The following PRB4 variants were observed in gnomAD, a reference collection of about 807,000 sequenced individuals.
PRB4 encodes the protein proline rich protein BstNI subfamily 4, also known as basic salivary proline-rich protein 4.
In PRB4, 14 loss-of-function variants were observed where a neutral mutation model predicts 9.1. The observed-to-expected ratio is 1.54, with a 90% confidence interval of 1.02 to 2.41. The LOEUF (loss-of-function observed/expected upper bound fraction) is 2.41. Ranked by LOEUF, PRB4 falls within the 30% of genes most tolerant of loss-of-function variation. The probability of loss-of-function intolerance (pLI) is 0.00; values close to 1 mark genes in which losing one functional copy is unlikely to be tolerated. For synonymous variants in PRB4, 102 were observed against 108.5 expected (o/e 0.94, Z 0.37); for missense variants, 381 against 299.3 (o/e 1.27, Z -2.02).
chr12:11,307,392 C>T (rs548772551), intron 3 of PRB4, among the ~76,000 whole-genome samples, 193 bp from the exon 4 acceptor site: 2 of 152,244 alleles, frequency 1.3e-5, no homozygotes, highest in East Asian at 1.9e-4. Context: ...TACTGAGAAG[C>T]TAAAACCACC....
Position 11,310,346 on chromosome 12 carries a change from C to G in PRB4, c.53G>C (p.Ser18Thr), listed in dbSNP as rs1275861338. Reference protein sequence around the residue: ...VALLALSSAESSSEDVSQEES... With the variant: ...VALLALSSAETSSEDVSQEES... ...CCCTTCTGTTTTACCTTCACTTGAA[C>G]TCTCAGCTGAGCTCAGGGCCAGCAG... is the stretch of plus-strand genomic sequence containing the variant. The change falls in exon 1 of 4, where the codon AGT (serine) becomes ACT (threonine). Residue 18 changes from serine to threonine, a missense_variant. Transcript: ENST00000279575. 9 of 1,614,096 alleles carry G rather than the reference C, an allele frequency of 5.6e-6. No homozygotes were observed. In the East Asian group the frequency reaches 8.9e-5, roughly 16 times the overall value.
chr12:11,309,544 T>C, intron 1 of PRB4, 139 bp from the exon 2 acceptor site: 2 of 1,528,038 alleles, frequency 1.3e-6, no homozygotes, highest in Non-Finnish European at 1.8e-6. Context: ...TCTGTGAAGG[T>C]GCTGGAAGGG....
chr12:11,308,089 T>A, intron 3 of PRB4, 132 bp downstream of exon 3: 1 of 1,071,676 alleles, frequency 9.3e-7, no homozygotes, highest in Non-Finnish European at 1.3e-6. Context: ...TTCCAGAGTA[T>A]CTGAATACAA....
intron 3 of PRB4, 36 bp from the exon 4 acceptor site, chr12:11,307,235 T>C (rs1362797048): frequency 6.5e-6 from 1 of 152,708 alleles, no homozygotes; most frequent in Non-Finnish European, 1.5e-5. Flanking sequence ...ATAGATTCAC[T>C]CTTTTGATGC....
Position 11,308,571 on chromosome 12 carries a change from G to T in PRB4, c.412C>A (p.Pro138Thr), listed in dbSNP as rs544946023. ...GGGGGTGGTCTTTCTGGCTTTCCTG[G>T]AGGAGGTGGGGGACGGTGGGACTGG... ...GNQSHRPPPP[P>T]GKPERPPPQG... Residue 138 changes from proline (P) to threonine (T), a missense_variant, in exon 3 of 4, where the codon CCA becomes ACA. Pro to Thr is a conservative substitution (Grantham distance 38, BLOSUM62 -1). Transcript: ENST00000279575. 6.3e-7 allele frequency: 1 copy of T among 1,580,430 alleles called. No individual in the cohort carries two copies. The highest frequency in any genetic ancestry group is 1.4e-5 in the African/African-American group (1 of 71,914).
chr12:11,309,554 G>T, intron 1 of PRB4, 149 bp from the exon 2 acceptor site: 2 of 1,475,250 alleles, frequency 1.4e-6, no homozygotes, highest in South Asian at 2.4e-5. Flanking sequence ...TGCTGGAAGG[G>T]GTGGAAGGTG....
intron 2 of PRB4, 149 bp from the exon 3 acceptor site, chr12:11,309,031 C>A: frequency 1.6e-6 from 2 of 1,217,284 alleles, no homozygotes; most frequent in Non-Finnish European, 2.3e-6. Flanking sequence ...TGGAGTGGAA[C>A]GCTGGGGGAA....
intron 1 of PRB4, 138 bp from the exon 2 acceptor site, chr12:11,309,543 G>A (rs1293466861): frequency 3.3e-6 from 5 of 1,527,150 alleles, no homozygotes; most frequent in Admixed American, 1.7e-5. Flanking sequence ...ATCTGTGAAG[G>A]TGCTGGAAGG....
At chr12:11,309,197 G>GC (rs1458749244) in intron 2 of PRB4, among the ~76,000 whole-genome samples, 173 bp downstream of exon 2, 4 of 152,106 alleles carry the variant, frequency 2.6e-5, no homozygotes, top group African/African-American at 4.8e-5. Flanking sequence ...CCATTTGGTG[G>GC]CCTGCTCATG....
intron 3 of PRB4, 122 bp downstream of exon 3, chr12:11,308,099 A>C: frequency 8.3e-7 from 1 of 1,206,488 alleles, no homozygotes; most frequent in Non-Finnish European, 1.2e-6. Flanking sequence ...TCTGAATACA[A>C]ATTTTTAGAA....
At chr12:11,307,360 G>A (rs1298144635) in intron 3 of PRB4, among the ~76,000 whole-genome samples, 161 bp from the exon 4 acceptor site, 1 of 152,164 alleles carries the variant, frequency 6.6e-6, no homozygotes, top group Non-Finnish European at 1.5e-5. Context: ...TACACAGATG[G>A]TAACTGGAAC....
intron 2 of PRB4, 26 bp downstream of exon 2, chr12:11,309,344 C>G (rs1863000841): frequency 9.9e-6 from 16 of 1,614,046 alleles, no homozygotes; most frequent in East Asian, 2.2e-5. Context: ...GGAGTCAAAA[C>G]AGATTGAGAA....
At chr12:11,309,550 A>T in intron 1 of PRB4, 145 bp from the exon 2 acceptor site, 1 of 1,484,670 alleles carries the variant, frequency 6.7e-7, no homozygotes, top group Non-Finnish European at 9.3e-7. Flanking sequence ...AAGGTGCTGG[A>T]AGGGGTGGAA....
Position 11,309,364 on chromosome 12 carries a change from A to C in PRB4, c.100+6T>G. On this transcript the variant is annotated splice_donor_region_variant and intron_variant, in intron 2 of 3. Transcript: ENST00000279575. Reference sequence around the variant, plus strand: ...CAAAACAGATTGAGAATGAATTGGGATTTACCTGATATTAGGAAGAGAGAT... The same window carrying C: ...CAAAACAGATTGAGAATGAATTGGGCTTTACCTGATATTAGGAAGAGAGAT... 6.2e-7 allele frequency: 1 copy of C among 1,614,136 alleles called. No homozygotes were observed. Among genetic ancestry groups the C allele is most frequent in the Non-Finnish European group, 8.5e-7 (1 of 1,179,984 alleles).
rs562435920 is a variant in PRB4, at chr12:11,308,367, G to T, written c.616C>A (p.Pro206Thr). ...TGGGGATTGCCTCCTGCTGGGGGTGGGCCTTGTGGCTTTCCAGGAGGTGGG... is the reference window on the plus strand; with the variant it reads ...TGGGGATTGCCTCCTGCTGGGGGTGTGCCTTGTGGCTTTCCAGGAGGTGGG... ...GPPPPGKPQG[P>T]PPAGGNPQQP... is the part of the protein sequence containing the mutation. The change falls in exon 3 of 4, where the codon CCA becomes ACA. Residue 206 changes from proline to threonine, a missense_variant. Around this residue, in one of 3 missense-constraint regions of PRB4, gnomAD observed 204 missense variants for 134.4 expected, o/e 1.52. Coordinates refer to ENST00000279575, the MANE Select transcript of PRB4 (RefSeq NM_002723.6). The T allele has an allele frequency of 5.0e-6, 8 of 1,607,102 alleles. No homozygotes were observed. The South Asian group carries it at 7.7e-5, about 15-fold the overall frequency.
rs779942488 is a variant in PRB4 at position 11,308,435 on chromosome 12, G to A, written c.548C>T (p.Pro183Leu). The change falls in exon 3 of 4, where the codon CCA becomes CTA. Residue 183 changes from proline to leucine, a missense_variant. This residue lies in a region of PRB4 where 204 missense variants were observed against 134.4 expected (regional missense o/e 1.52). Coordinates refer to ENST00000279575, the MANE Select transcript of PRB4 (RefSeq NM_002723.6). Reference sequence around the variant, plus strand: ...GCCTTCTTGTTGGGGTGGTCCTTGTGGCTTTCCTGGAGGAGATCGGGCACT... The same window carrying A: ...GCCTTCTTGTTGGGGTGGTCCTTGTAGCTTTCCTGGAGGAGATCGGGCACT... ...SRSARSPPGK[P>L]QGPPQQEGNK... 6.2e-7 allele frequency: 1 copy of A among 1,613,778 alleles called. No homozygotes were observed. Among genetic ancestry groups the A allele is most frequent in the African/African-American group, 1.3e-5 (1 of 74,872 alleles).
rs111244440 is a variant in PRB4, at chr12:11,310,401, C to A, written c.-3G>T. ...ACTGACAGCAGAATCAGCAGCATCT[C>A]GCTGGAGGCTCTGGAGTCACTCCCA... is the stretch of plus-strand genomic sequence containing the variant. On this transcript the variant is annotated 5_prime_UTR_variant, in exon 1 of 4. Transcript: ENST00000279575. The A allele has an allele frequency of 6.2e-7, 1 of 1,614,194 alleles. No homozygotes were observed. The highest frequency in any genetic ancestry group is 1.1e-5 in the South Asian group (1 of 91,086).
chr12:11,308,364 G>A lies in PRB4; in HGVS notation c.619C>T (p.Pro207Ser), dbSNP rs1862960007. The A allele has an allele frequency of 1.2e-6, 2 of 1,610,616 alleles. No individual in the cohort carries two copies. The highest frequency in any genetic ancestry group is 1.1e-5 in the South Asian group (1 of 90,794). Residue 207 changes from proline (P) to serine (S), a missense_variant, in exon 3 of 4, where the codon CCC (proline) becomes TCC (serine). Physicochemically the swap from Pro to Ser is moderately conservative, Grantham distance 74. Coordinates refer to ENST00000279575, the MANE Select transcript of PRB4 (RefSeq NM_002723.6). ...TGCTGGGGATTGCCTCCTGCTGGGG[G>A]TGGGCCTTGTGGCTTTCCAGGAGGT... ...PPPPGKPQGPPPAGGNPQQPQ... is the reference protein window; with the variant it reads ...PPPPGKPQGPSPAGGNPQQPQ...
At position 11,310,334 on chromosome 12, in the gene PRB4, CCTTCA is replaced by C. The variant is rs746438121; in HGVS notation, c.60_64del (p.Ser20ArgfsTer129). On this transcript the variant is annotated frameshift_variant and splice_region_variant, in exon 1 of 4. Transcript: ENST00000279575. LOFTEE classifies it high-confidence loss of function. ...CGCATCTTTTCCCCCTTCTGTTTTA[CCTTCA>C]CTTGAACTCTCAGCTGAGCTCAGGG... The C allele has an allele frequency of 6.2e-6, 10 of 1,614,100 alleles. No individual in the cohort carries two copies. Among genetic ancestry groups the C allele is most frequent in the Non-Finnish European group, 8.5e-7 (1 of 1,180,044 alleles).
Sources: allele counts gnomAD v4.1 joint callset (sites outside exome capture counted in the v4.1 genomes callset), GRCh38; gene constraint gnomAD v4.1.1; regional missense constraint gnomAD v4.1.1; transcripts MANE v1.5; gene names NCBI Gene and HGNC (gene_info 2026-07-23, HGNC 2026-07-21).